Variants in PCNX2 observed in about 807,000 individuals in gnomAD.
PCNX2 encodes the protein pecanex 2.
A neutral mutation model predicts 223.8 loss-of-function variants in PCNX2; 168 were observed. The observed-to-expected ratio is 0.75, with a 90% CI of 0.66 to 0.85. PCNX2 has a LOEUF of 0.85. Ranked by LOEUF, PCNX2 falls within the 40% of genes least tolerant of loss-of-function variation. The pLI is 0.00. For synonymous variants in PCNX2, 1,006 were observed against 1,052.6 expected, an observed-to-expected ratio of 0.96 and a Z score of 0.86; for missense variants, 2,507 against 2,675.5, an observed-to-expected ratio of 0.94 and a Z score of 1.39.
At chr1:233,170,515 G>A (rs1284420742) in intron 17 of PCNX2, among the ~76,000 whole-genome samples, 1 of 151,922 alleles carries the variant, frequency 6.6e-6, no homozygotes, top group Non-Finnish European at 1.5e-5. Context: ...TTGATTTAGA[G>A]GAATCTTATA....
At chr1:233,295,979 GCT>G (rs1491479419), upstream of PCNX2, among the ~76,000 whole-genome samples, 2 of 77,654 alleles carry the variant, frequency 2.6e-5, no homozygotes, top group African/African-American at 1.0e-4. The surrounding 1 kb of genome is among the most constrained non-coding windows in gnomAD (Gnocchi z 4.1). Flanking sequence ...TTTCTTTCTC[GCT>G]CTTTTTTTCT....
chr1:232,999,199 A>T lies in PCNX2; in HGVS notation c.5509T>A (p.Ser1837Thr). ...AGCTGCCTGTGTGTCCCTAGGTAGG[A>T]TGTGGTTAGTGGGGAGACATACATG... ...YPMYVSPLTT[S>T]YLGTHRQLKN... The change falls in exon 31 of 34, where the codon TCC becomes ACC. Residue 1837 changes from serine to threonine, a missense_variant. By Grantham distance (58) the Ser-to-Thr change is moderately conservative. Around this residue, in one of 3 missense-constraint regions of PCNX2, gnomAD observed 1,372 missense variants for 1,509.4 expected, o/e 0.91. Coordinates refer to ENST00000258229, the MANE Select transcript of PCNX2 (RefSeq NM_014801.4). 1.9e-6 allele frequency: 3 copies of T among 1,613,880 alleles called. No homozygotes were observed. Among genetic ancestry groups the T allele is most frequent in the Non-Finnish European group, 2.5e-6 (3 of 1,179,844 alleles).
At chr1:233,150,098 G>A (rs1677707118) in intron 19 of PCNX2, among the ~76,000 whole-genome samples, 1 of 152,096 alleles carries the variant, frequency 6.6e-6, no homozygotes, top group South Asian at 2.1e-4. Context: ...AGCCAGCGGG[G>A]CCAGGACCGT....
At chr1:233,319,773 G>T in the PCNX2 span, among the ~76,000 whole-genome samples, 1 of 152,158 alleles carries the variant, frequency 6.6e-6, no homozygotes, top group Non-Finnish European at 1.5e-5. Flanking sequence ...GAGTTTTTGT[G>T]TATGTGCTTC....
chr1:233,100,441 A>G (rs774631493), intron 21 of PCNX2, among the ~76,000 whole-genome samples: 7 of 147,096 alleles, frequency 4.8e-5, no homozygotes, highest in Non-Finnish European at 1.1e-4. Context: ...AAAAAAAAAG[A>G]AAATCACAAT....
intron 17 of PCNX2, among the ~76,000 whole-genome samples, chr1:233,169,848 T>C (rs1010346481): frequency 6.6e-5 from 10 of 151,654 alleles, no homozygotes; most frequent in African/African-American, 1.9e-4. Context: ...TCAACAATCC[T>C]GACTGGTGAA....
intron 21 of PCNX2, among the ~76,000 whole-genome samples, chr1:233,123,985 T>C (rs1347284056): frequency 6.6e-6 from 1 of 152,228 alleles, no homozygotes; most frequent in African/African-American, 2.4e-5. Context: ...GACAAGTATA[T>C]AGAGGTATCA....
At chr1:233,125,020 C>T (rs1676018539) in intron 21 of PCNX2, among the ~76,000 whole-genome samples, 2 of 152,132 alleles carry the variant, frequency 1.3e-5, no homozygotes, top group Admixed American at 1.3e-4. Context: ...GAGAGCTCAC[C>T]CTACTAAGGG....
intron 1 of PCNX2, chr1:233,289,174 C>T: frequency 7.2e-6 from 6 of 831,306 alleles, no homozygotes; most frequent in Non-Finnish European, 1.3e-5. Context: ...ATAAAGACAA[C>T]ATGCTTCCCA....
chr1:233,148,029 A>T (rs1571968966), intron 19 of PCNX2, among the ~76,000 whole-genome samples: 2 of 152,252 alleles, frequency 1.3e-5, no homozygotes, highest in East Asian at 3.8e-4. Flanking sequence ...TGCATAATTC[A>T]GCTCTAGTTT....
chr1:233,035,208 G>A (rs1206573564), intron 25 of PCNX2, among the ~76,000 whole-genome samples: 5 of 152,166 alleles, frequency 3.3e-5, no homozygotes, highest in Admixed American at 2.0e-4. Context: ...CATTAAAGTC[G>A]AAACGCACAA....
chr1:233,129,200 C>CGGGCCCCGCACTCAGAGCG (rs1676286543), intron 21 of PCNX2, among the ~76,000 whole-genome samples: 2 of 152,206 alleles, frequency 1.3e-5, no homozygotes, highest in Non-Finnish European at 2.9e-5. Flanking sequence ...GTGGGCTTGG[C>CGGGCCCCGCACTCAGAGCG]GGGCCCCGCA....
rs374277997 is a variant in PCNX2 at position 233,218,443 on chromosome 1, G to A, written c.2505-259C>T. ...TTTTTATTTTTTTTAGTAGAGATGGGGTTTCACAATGTTAGTCAGGATGGT... is the reference window on the plus strand; with the variant it reads ...TTTTTATTTTTTTTAGTAGAGATGGAGTTTCACAATGTTAGTCAGGATGGT... On this transcript the variant is annotated intron_variant, in intron 10 of 33. Transcript: ENST00000258229. 2.4e-4 allele frequency among the ~76,000 whole-genome samples: 37 copies of A among 151,760 alleles called. No homozygotes were observed. The East Asian group carries it at 5.3e-3, about 22-fold the overall frequency.
At chr1:233,123,944 A>G (rs1247718619) in intron 21 of PCNX2, among the ~76,000 whole-genome samples, 1 of 152,224 alleles carries the variant, frequency 6.6e-6, no homozygotes, top group East Asian at 1.9e-4. Flanking sequence ...AATGGAAGTT[A>G]ATGTGTAAGT....
In PCNX2 at chr1:233,264,058, A is replaced by C. The variant is rs183865886; in HGVS notation, c.154-895T>G. 2.4e-3 allele frequency among the ~76,000 whole-genome samples: 358 copies of C among 152,270 alleles called. 1 individual carries two copies. The highest frequency in any genetic ancestry group is 7.5e-3 in the African/African-American group (313 of 41,574). The stretch of plus-strand genomic sequence containing the variant: ...ATTTCCAGCAGAGACAAATGATCTG[A>C]GCATGGCGACCATAGTGAGGTTCAG... On this transcript the variant is annotated intron_variant, in intron 1 of 33. Coordinates refer to ENST00000258229, the MANE Select transcript of PCNX2 (RefSeq NM_014801.4).
chr1:233,114,271 C>T (rs1332839820), intron 21 of PCNX2, among the ~76,000 whole-genome samples: 2 of 152,094 alleles, frequency 1.3e-5, no homozygotes, highest in Non-Finnish European at 2.9e-5. Context: ...AAAAAAGGAT[C>T]GAGTCCAGTG....
At chr1:233,023,794 T>C (rs894210378) in intron 26 of PCNX2, among the ~76,000 whole-genome samples, 7 of 152,226 alleles carry the variant, frequency 4.6e-5, no homozygotes, top group African/African-American at 1.7e-4. Flanking sequence ...CTAAATCTGT[T>C]GTAAACATGC....
rs185910231 is a variant in PCNX2 at position 233,259,035 on chromosome 1, C to A, written c.827G>T (p.Trp276Leu). 541 of 1,613,972 alleles carry A rather than the reference C, an allele frequency of 3.4e-4. 1 individual carries two copies. Among genetic ancestry groups the A allele is most frequent in the African/African-American group, 2.5e-3 (190 of 75,050 alleles). The change falls in exon 5 of 34, where the codon TGG (tryptophan) becomes TTG (leucine). Residue 276 changes from tryptophan to leucine, a missense_variant. This residue lies in a region of PCNX2 where 1,031 missense variants were observed against 1,021.7 expected (regional missense o/e 1.01). Coordinates refer to ENST00000258229, the MANE Select transcript of PCNX2 (RefSeq NM_014801.4). ...LLETDVSFQPWGSENSVLIPE... is the reference protein window; with the variant it reads ...LLETDVSFQPLGSENSVLIPE... ...AATCAGGACTGAATTCTCACTCCCC[C>A]ACGGCTGGAAAGAAACGTCTGTTTC...
At chr1:233,168,322 T>C (rs1214184861) in intron 17 of PCNX2, among the ~76,000 whole-genome samples, 1 of 152,110 alleles carries the variant, frequency 6.6e-6, no homozygotes, top group Admixed American at 6.5e-5. Flanking sequence ...GAGCCAGTAT[T>C]TTTCCTGTTG....
Sources: allele counts gnomAD v4.1 joint callset (sites outside exome capture counted in the v4.1 genomes callset), GRCh38; gene constraint gnomAD v4.1.1; regional missense constraint gnomAD v4.1.1; non-coding constraint Gnocchi (gnomAD v3.1); transcripts MANE v1.5; gene names NCBI Gene and HGNC (gene_info 2026-07-23, HGNC 2026-07-21).